The following CLIC5 variants were observed in gnomAD, a reference collection of about 807,000 sequenced individuals.
CLIC5 encodes the protein CLIC family member 5.
A neutral mutation model predicts 24.7 loss-of-function variants in CLIC5; 20 were observed. The observed-to-expected ratio is 0.81, with a 90% CI of 0.57 to 1.18. The LOEUF (loss-of-function observed/expected upper bound fraction) is 1.18, where lower values mean the gene tolerates loss of function less well. Among genes scored for constraint, CLIC5 ranks in the 50% most tolerant of loss-of-function variants. CLIC5 has a pLI of 0.00. For synonymous variants in CLIC5, 159 were observed against 135.6 expected (o/e 1.17, Z -1.20); for missense variants, 341 against 326.1 (o/e 1.05, Z -0.35).
chr6:46,105,548 T>G, the CLIC5 span, among the ~76,000 whole-genome samples: 1 of 152,174 alleles, frequency 6.6e-6, no homozygotes, highest in Non-Finnish European at 1.5e-5. Context: ...GTCTTTCTCT[T>G]TACTGTCTTT....
At chr6:46,112,560 T>G in the CLIC5 span, among the ~76,000 whole-genome samples, 5 of 152,234 alleles carry the variant, frequency 3.3e-5, no homozygotes, top group Non-Finnish European at 5.9e-5. Flanking sequence ...TAAATTTGTA[T>G]GCCTTTTCTC....
downstream of CLIC5, among the ~76,000 whole-genome samples, chr6:45,894,007 C>T (rs114406009): frequency 4.1e-3 from 627 of 152,250 alleles, 4 homozygotes; most frequent in African/African-American, 0.014. Flanking sequence ...GTGGCAGTCT[C>T]GTGGACACGT....
At chr6:45,936,877 G>A (rs991423435) in intron 4 of CLIC5, among the ~76,000 whole-genome samples, 2 of 152,162 alleles carry the variant, frequency 1.3e-5, no homozygotes, top group Non-Finnish European at 2.9e-5. Flanking sequence ...TTGCCACCGA[G>A]TCATGAGAAA....
rs113998390 is a variant in CLIC5, at chr6:46,068,756, G to A, written c.540+10947C>T. Among the ~76,000 whole-genome samples, 669 of 152,218 alleles carry A rather than the reference G, an allele frequency of 4.4e-3. 3 individuals are homozygous for A. The highest frequency in any genetic ancestry group is 0.015 in the African/African-American group (622 of 41,522). ...GAAGATTAGGACACAAACATGCACAGGGGGAAGACCATGTGAAGACACAGA... is the reference window on the plus strand; with the variant it reads ...GAAGATTAGGACACAAACATGCACAAGGGGAAGACCATGTGAAGACACAGA... On this transcript the variant is annotated intron_variant, in intron 1 of 5. Coordinates refer to the CLIC5 transcript ENST00000185206.
At chr6:45,994,997 G>A (rs773345944) in intron 1 of CLIC5, among the ~76,000 whole-genome samples, 1 of 152,144 alleles carries the variant, frequency 6.6e-6, no homozygotes, top group Admixed American at 6.5e-5. Flanking sequence ...CAATATTCAA[G>A]CCTATTATAG....
At chr6:46,017,138 A>G (rs1004411365), upstream of CLIC5, among the ~76,000 whole-genome samples, 12 of 152,252 alleles carry the variant, frequency 7.9e-5, no homozygotes, top group African/African-American at 2.9e-4. Flanking sequence ...TGGTTGCACC[A>G]ACAGACATTC....
rs111540217 is a variant in CLIC5, at chr6:45,917,121, T to C, written c.407-2712A>G. On this transcript the variant is annotated intron_variant, in intron 4 of 5. Coordinates refer to ENST00000339561, the MANE Select transcript of CLIC5 (RefSeq NM_016929.5). ...GAATTCTGTATTGGTACTTATTGTA[T>C]TGCCTTAAGGCTTCATAAATCCCAC... Among the ~76,000 whole-genome samples the C allele has an allele frequency of 5.9e-3, 898 of 152,306 alleles. 6 individuals are homozygous for C. The highest frequency in any genetic ancestry group is 0.02 in the African/African-American group (827 of 41,556).
intron 1 of CLIC5, among the ~76,000 whole-genome samples, chr6:46,057,669 A>C (rs1445262801): frequency 6.6e-6 from 1 of 152,204 alleles, no homozygotes; most frequent in Non-Finnish European, 1.5e-5. Flanking sequence ...ATTTGATTTC[A>C]AGCGACAGCC....
At chr6:45,975,761 G>A (rs965093155) in intron 1 of CLIC5, among the ~76,000 whole-genome samples, 14 of 152,126 alleles carry the variant, frequency 9.2e-5, no homozygotes, top group Non-Finnish European at 1.6e-4. Flanking sequence ...GTTAGCTGGA[G>A]CCTTCATTTC....
chr6:46,124,601 C>A, the CLIC5 span, among the ~76,000 whole-genome samples: 1 of 152,208 alleles, frequency 6.6e-6, no homozygotes, highest in Admixed American at 6.5e-5. Context: ...TAAAGAACTT[C>A]TGCACAGCAA....
the CLIC5 span, among the ~76,000 whole-genome samples, chr6:46,119,578 C>G: frequency 4.6e-5 from 7 of 152,314 alleles, no homozygotes; most frequent in East Asian, 1.2e-3. Context: ...GCTTGTCGGA[C>G]AGTGGGTGCA....
chr6:46,021,357 A>T (rs1335908795), intron 1 of CLIC5, among the ~76,000 whole-genome samples: 2 of 152,214 alleles, frequency 1.3e-5, no homozygotes, highest in African/African-American at 4.8e-5. Flanking sequence ...GTCATTCTGG[A>T]CAGCAGTTTG....
At chr6:45,947,466 CCAGCCCCT>C (rs1297828434) in intron 3 of CLIC5, among the ~76,000 whole-genome samples, 2 of 152,132 alleles carry the variant, frequency 1.3e-5, no homozygotes, top group Non-Finnish European at 2.9e-5. Flanking sequence ...GGATTGTACC[CCAGCCCCT>C]CACCCCTCCA....
the CLIC5 span, among the ~76,000 whole-genome samples, chr6:46,114,090 G>A: frequency 6.6e-6 from 1 of 152,216 alleles, no homozygotes; most frequent in Non-Finnish European, 1.5e-5. Context: ...CACTCTGAAA[G>A]ATGAGGCAGA....
the CLIC5 span, among the ~76,000 whole-genome samples, chr6:46,118,485 G>A: frequency 6.6e-6 from 1 of 152,168 alleles, no homozygotes; most frequent in Admixed American, 6.5e-5. Flanking sequence ...ACTATCCTGG[G>A]CACTTTACAT....
intron 1 of CLIC5, among the ~76,000 whole-genome samples, chr6:46,025,040 AT>A (rs71536373): frequency 6.0e-5 from 9 of 151,230 alleles, no homozygotes; most frequent in East Asian, 1.9e-4. Context: ...CCATTAATTG[AT>A]TTTTTTTTCA....
At chr6:46,021,612 G>A (rs1220213585) in intron 1 of CLIC5, among the ~76,000 whole-genome samples, 1 of 152,164 alleles carries the variant, frequency 6.6e-6, no homozygotes, top group Non-Finnish European at 1.5e-5. Context: ...TAAAAAGAAT[G>A]AGCTATTAAT....
chr6:45,913,344 G>A (rs1463430732), intron 5 of CLIC5, among the ~76,000 whole-genome samples: 1 of 152,196 alleles, frequency 6.6e-6, no homozygotes, highest in Non-Finnish European at 1.5e-5. Flanking sequence ...AGAGCTTAGG[G>A]GGATACAACT....
chr6:45,912,470 T>C lies in CLIC5; in HGVS notation c.588+1758A>G, dbSNP rs754486903. 1.4e-5 allele frequency: 18 copies of C among 1,258,570 alleles called. No individual in the cohort carries two copies. In the Admixed American group the frequency reaches 1.7e-4, roughly 12 times the overall value. The allele number at this position is 1,258,570 out of a possible 1,614,324, so 78.0% of individuals were successfully genotyped here. ...CTTTGTTCAACAAATGGTTTTTGAG[T>C]GGTAGTGAATACATGTTTGAGCAAG... On this transcript the variant is annotated intron_variant, in intron 5 of 5. Coordinates refer to ENST00000339561, the MANE Select transcript of CLIC5 (RefSeq NM_016929.5).
Sources: gnomAD v4.1 joint callset for allele counts (sites outside exome capture counted in the v4.1 genomes callset) on GRCh38, gnomAD v4.1.1 for gene constraint, MANE v1.5 for transcripts, NCBI Gene and HGNC (gene_info 2026-07-23, HGNC 2026-07-21) for gene names.